PRELID2: variants seen among roughly 807,000 people sequenced by gnomAD.
PRELID2 encodes the protein PRELI domain-containing protein 2.
A neutral mutation model predicts 28.4 loss-of-function variants in PRELID2; 25 were observed. That is an observed-to-expected ratio of 0.88 (90% CI 0.64 to 1.23). The LOEUF is 1.23. PRELID2 is among the 50% of genes most tolerant of loss of function. The pLI is 0.00. For missense variants in PRELID2, 201 were observed against 214.4 expected, an observed-to-expected ratio of 0.94 and a Z score of 0.39; for synonymous variants, 76 against 71.6, an observed-to-expected ratio of 1.06 and a Z score of -0.31.
chr5:145,296,831 C>G, the PRELID2 span, among the ~76,000 whole-genome samples: 39 of 152,290 alleles, frequency 2.6e-4, no homozygotes, highest in Admixed American at 2.2e-3. Flanking sequence ...GTTCCTATTT[C>G]TCCACATCCT....
chr5:145,547,305 T>C (rs1041648093), intron 1 of PRELID2, among the ~76,000 whole-genome samples: 2 of 152,150 alleles, frequency 1.3e-5, no homozygotes, highest in African/African-American at 4.8e-5. Flanking sequence ...AAATGTAAGA[T>C]CTGAATGTAA....
intron 1 of PRELID2, among the ~76,000 whole-genome samples, chr5:145,475,432 T>G (rs975977682): frequency 2.0e-5 from 3 of 152,236 alleles, no homozygotes; most frequent in Non-Finnish European, 2.9e-5. Context: ...CACTGTGATC[T>G]GAGCTTCTCT....
intron 1 of PRELID2, among the ~76,000 whole-genome samples, chr5:145,715,685 A>T (rs1021493708): frequency 5.9e-5 from 9 of 152,190 alleles, no homozygotes; most frequent in Admixed American, 5.2e-4. Context: ...CTTCACACCC[A>T]CCACACTGGC....
At chr5:145,323,206 C>A in the PRELID2 span, among the ~76,000 whole-genome samples, 1 of 151,334 alleles carries the variant, frequency 6.6e-6, no homozygotes, top group South Asian at 2.1e-4. Flanking sequence ...GTGCAAAGGG[C>A]TTTAAAGCTA....
chr5:145,650,509 C>T (rs1316928618), intron 1 of PRELID2, among the ~76,000 whole-genome samples: 1 of 123,182 alleles, frequency 8.1e-6, no homozygotes, highest in Non-Finnish European at 1.6e-5. Flanking sequence ...GAATTTTGAG[C>T]ATATCGAATC....
intron 5 of PRELID2, among the ~76,000 whole-genome samples, chr5:145,773,566 A>G (rs1758234851): frequency 6.6e-6 from 1 of 152,226 alleles, no homozygotes; most frequent in South Asian, 2.1e-4. Context: ...ATTCATGGGA[A>G]GCATACTGTT....
the PRELID2 span, among the ~76,000 whole-genome samples, chr5:145,373,148 AAT>A: frequency 2.6e-5 from 1 of 38,566 alleles, no homozygotes; most frequent in Non-Finnish European, 4.1e-5. Context: ...CAACATATAT[AAT>A]ATATATGATA....
intron 1 of PRELID2, among the ~76,000 whole-genome samples, chr5:145,546,471 T>A (rs1176694039): frequency 6.6e-6 from 1 of 152,100 alleles, no homozygotes; most frequent in Non-Finnish European, 1.5e-5. Context: ...TGTACACTTG[T>A]AAAAAGGGAA....
At chr5:145,604,757 T>G (rs939169292) in intron 1 of PRELID2, among the ~76,000 whole-genome samples, 10 of 147,772 alleles carry the variant, frequency 6.8e-5, no homozygotes, top group African/African-American at 1.5e-4. Context: ...GGTTTTTTTT[T>G]TTTTTTTTTT....
chr5:145,434,681 T>C, the PRELID2 span, among the ~76,000 whole-genome samples: 2 of 152,178 alleles, frequency 1.3e-5, no homozygotes, highest in African/African-American at 4.8e-5. Flanking sequence ...CCCATCCCAC[T>C]GCCACCTGGT....
intron 1 of PRELID2, among the ~76,000 whole-genome samples, chr5:145,637,107 T>C (rs1754013846): frequency 6.6e-6 from 1 of 152,098 alleles, no homozygotes; most frequent in African/African-American, 2.4e-5. Flanking sequence ...ACTGGAATTA[T>C]CTCACATTCA....
intron 4 of PRELID2, among the ~76,000 whole-genome samples, chr5:145,798,921 TA>T (rs1394047236): frequency 1.3e-5 from 2 of 151,974 alleles, no homozygotes; most frequent in African/African-American, 4.8e-5. Context: ...ATACCTAATG[TA>T]AATGATGAGT....
At chr5:145,793,377 C>T (rs182943458) in intron 5 of PRELID2, among the ~76,000 whole-genome samples, 166 of 152,152 alleles carry the variant, frequency 1.1e-3, no homozygotes, top group African/African-American at 3.8e-3. Context: ...AGCAATAAGT[C>T]CTAAAGTGAA....
chr5:145,459,978 T>A, the PRELID2 span, among the ~76,000 whole-genome samples: 2 of 151,990 alleles, frequency 1.3e-5, no homozygotes, highest in South Asian at 4.2e-4. Context: ...TCCCAGCTAA[T>A]TTTTGTATTT....
chr5:145,540,953 G>A (rs932517063), intron 1 of PRELID2, among the ~76,000 whole-genome samples: 1 of 151,914 alleles, frequency 6.6e-6, no homozygotes, highest in Admixed American at 6.6e-5. Context: ...TTTTAAACTG[G>A]AAAGTATTTA....
intron 1 of PRELID2, among the ~76,000 whole-genome samples, chr5:145,650,531 CATATATATATAT>C (rs56324486): frequency 0.04 from 2,754 of 68,746 alleles, 33 homozygotes; most frequent in Middle Eastern, 0.067. Context: ...CACATATATA[CATATATATATAT>C]ATATATATAT....
chr5:145,490,027 A>C (rs1233854528), intron 1 of PRELID2, among the ~76,000 whole-genome samples: 1 of 152,206 alleles, frequency 6.6e-6, no homozygotes, highest in Non-Finnish European at 1.5e-5. Flanking sequence ...CAGATGATAC[A>C]TCTGTGCTAT....
chr5:145,449,202 G>T, the PRELID2 span, among the ~76,000 whole-genome samples: 273 of 152,208 alleles, frequency 1.8e-3, 1 homozygote, highest in East Asian at 7.4e-3. Flanking sequence ...TGAGTCCCAC[G>T]TGTTAGCACA....
At chr5:145,699,808 T>C (rs2149701955) in intron 1 of PRELID2, among the ~76,000 whole-genome samples, 1 of 152,294 alleles carries the variant, frequency 6.6e-6, no homozygotes, top group African/African-American at 2.4e-5. Flanking sequence ...ATTTCTTTTC[T>C]GGAAAGAAAA....
Sources: allele counts gnomAD v4.1 joint callset (sites outside exome capture counted in the v4.1 genomes callset), GRCh38; gene constraint gnomAD v4.1.1; transcripts MANE v1.5; gene names NCBI Gene and HGNC (gene_info 2026-07-23, HGNC 2026-07-21).